KSR2: variants seen among roughly 807,000 people sequenced by gnomAD.
KSR2 encodes the protein kinase suppressor of ras 2.
In KSR2, 25 loss-of-function variants were observed where a neutral mutation model predicts 107.8. The observed-to-expected ratio is 0.23, with a 90% confidence interval of 0.17 to 0.32. The LOEUF is 0.32. KSR2 is among the 10% of genes least tolerant of loss of function. The probability of loss-of-function intolerance (pLI) is 1.00; values close to 1 mark genes in which losing one functional copy is unlikely to be tolerated. For synonymous variants in KSR2, 480 were observed against 507.0 expected (o/e 0.95, Z 0.71); for missense variants, 887 against 1,268.9 (o/e 0.70, Z 4.57).
chr12:117,937,986 A>T lies in KSR2; in HGVS notation c.180+30090T>A, dbSNP rs1377655760. On this transcript the variant is annotated intron_variant, in intron 1 of 19. Transcript: ENST00000339824. ...TCTGTCTCAAGAAAAAAAAAAAAAAAAAAAAAGCCTGAAACATATTAGACT... is the reference window on the plus strand; with the variant it reads ...TCTGTCTCAAGAAAAAAAAAAAAAATAAAAAAGCCTGAAACATATTAGACT... Among the ~76,000 whole-genome samples the T allele has an allele frequency of 2.0e-5, 3 of 151,196 alleles. No individual in the cohort carries two copies. In the East Asian group the frequency reaches 5.8e-4, roughly 29 times the overall value.
chr12:117,584,360 A>C (rs111738668), intron 5 of KSR2, among the ~76,000 whole-genome samples: 2 of 152,198 alleles, frequency 1.3e-5, no homozygotes, highest in African/African-American at 4.8e-5. Context: ...TCCACCCATT[A>C]ACTCCTTAAG....
At chr12:117,767,821 GAGA>G (rs1484497580) in intron 3 of KSR2, among the ~76,000 whole-genome samples, 5 of 151,694 alleles carry the variant, frequency 3.3e-5, no homozygotes, top group African/African-American at 1.2e-4. Context: ...AGCCAGGCTG[GAGA>G]AGAAGTGAAG....
At chr12:117,583,408 G>A (rs1425150230) in intron 5 of KSR2, among the ~76,000 whole-genome samples, 3 of 3,078 alleles carry the variant, frequency 9.7e-4, no homozygotes, top group Non-Finnish European at 1.5e-3. Context: ...TGAGTGAGTG[G>A]ATGGATGGAT....
At position 117,667,476 on chromosome 12, in the gene KSR2, G is replaced by A. The variant is rs1884705664; in HGVS notation, c.1169C>T (p.Ala390Val). The A allele has an allele frequency of 6.2e-7, 1 of 1,609,832 alleles. No homozygotes were observed. The highest frequency in any genetic ancestry group is 8.5e-7 in the Non-Finnish European group (1 of 1,178,492). Residue 390 changes from alanine to valine, a missense_variant and splice_region_variant, in exon 5 of 20, where the codon GCA becomes GTA. By Grantham distance (64) the Ala-to-Val change is moderately conservative. Coordinates refer to ENST00000339824, the MANE Select transcript of KSR2 (RefSeq NM_173598.6). ...TGCAGCCCGGCAGGGTGACTTACTT[G>A]CAGAGAAGTTGGCCTCAGTGTGAAC... Reference protein sequence around the residue: ...PPVHTEANFSANTLSVPRWSP... With the variant: ...PPVHTEANFSVNTLSVPRWSP...
At chr12:117,479,789 C>T (rs1286760157) in intron 16 of KSR2, among the ~76,000 whole-genome samples, 1 of 152,198 alleles carries the variant, frequency 6.6e-6, no homozygotes, top group Non-Finnish European at 1.5e-5. Context: ...CTTGAGTCAG[C>T]AGAGTTAAAT....
intron 1 of KSR2, among the ~76,000 whole-genome samples, chr12:117,909,091 C>T (rs892482921): frequency 6.6e-6 from 1 of 152,016 alleles, no homozygotes; most frequent in African/African-American, 2.4e-5. Flanking sequence ...GTCCTTATAC[C>T]AGTGGTCTTT....
intron 1 of KSR2, among the ~76,000 whole-genome samples, chr12:117,915,441 AC>A (rs1895145465): frequency 6.6e-6 from 1 of 152,250 alleles, no homozygotes; most frequent in Non-Finnish European, 1.5e-5. Flanking sequence ...TTGGGAAGAC[AC>A]AAACATTCAG....
At chr12:117,853,571 G>A (rs1484167547) in intron 3 of KSR2, among the ~76,000 whole-genome samples, 6 of 151,714 alleles carry the variant, frequency 4.0e-5, no homozygotes, top group Admixed American at 1.3e-4. Context: ...CAAACTCCTG[G>A]GTTCAAGCAA....
chr12:117,483,643 C>G (rs1273153170), intron 16 of KSR2, among the ~76,000 whole-genome samples: 1 of 152,158 alleles, frequency 6.6e-6, no homozygotes. Context: ...TATTTGAGAT[C>G]AAGCTGTTTC....
intron 3 of KSR2, among the ~76,000 whole-genome samples, chr12:117,796,640 A>G (rs1890639468): frequency 6.6e-6 from 1 of 152,174 alleles, no homozygotes; most frequent in South Asian, 2.1e-4. Context: ...CCCAAGGCTC[A>G]GTTTCCTCAG....
intron 1 of KSR2, among the ~76,000 whole-genome samples, chr12:117,950,808 A>G (rs535425245): frequency 1.3e-5 from 2 of 150,896 alleles, no homozygotes; most frequent in African/African-American, 2.4e-5. Context: ...ACACTGGGGG[A>G]AAACAAAATT....
At chr12:117,900,133 ATG>A (rs2137390482) in intron 1 of KSR2, among the ~76,000 whole-genome samples, 1 of 152,298 alleles carries the variant, frequency 6.6e-6, no homozygotes, top group South Asian at 2.1e-4. Flanking sequence ...GAGATAATAA[ATG>A]TGTGTTGTTT....
intron 7 of KSR2, among the ~76,000 whole-genome samples, chr12:117,566,568 G>A (rs369063534): frequency 1.3e-5 from 2 of 152,282 alleles, no homozygotes; most frequent in Non-Finnish European, 2.9e-5. Context: ...ACATGATCTC[G>A]TTCTTTTGTA....
rs1308593787 is a variant in KSR2, at chr12:117,767,775, A to T, written c.473-6251T>A. 2.4e-5 allele frequency among the ~76,000 whole-genome samples: 3 copies of T among 125,322 alleles called. No individual in the cohort carries two copies. In the East Asian group the frequency reaches 7.2e-4, roughly 30 times the overall value. 82.2% of individuals were successfully genotyped at this position (125,322 alleles called of 152,430 possible). On this transcript the variant is annotated intron_variant, in intron 3 of 19. Coordinates refer to ENST00000339824, the MANE Select transcript of KSR2 (RefSeq NM_173598.6). Reference sequence around the variant, plus strand: ...ACTCCAGCCTGGGAGACAGAGCAAGACTCCGTCTCAAAAAAAAAAAAAAAA... The same window carrying T: ...ACTCCAGCCTGGGAGACAGAGCAAGTCTCCGTCTCAAAAAAAAAAAAAAAA...
intron 14 of KSR2, among the ~76,000 whole-genome samples, chr12:117,493,914 G>A: frequency 6.6e-6 from 1 of 152,158 alleles, no homozygotes; most frequent in East Asian, 1.9e-4. Flanking sequence ...GCTGCCATGT[G>A]AGAAGTGTCT....
chr12:117,799,898 G>T lies in KSR2; in HGVS notation c.473-38374C>A, dbSNP rs186460923. 5.9e-5 allele frequency among the ~76,000 whole-genome samples: 9 copies of T among 152,338 alleles called. No homozygotes were observed. The East Asian group carries it at 1.7e-3, about 29-fold the overall frequency. ...ACCTCCAAGAGCTGTGCTAGGTTGA[G>T]TGTAAAAAAGGCAGAAGAGGAGGCC... On this transcript the variant is annotated intron_variant, in intron 3 of 19. Transcript: ENST00000339824.
intron 4 of KSR2, among the ~76,000 whole-genome samples, chr12:117,729,868 A>G (rs920380221): frequency 9.2e-5 from 14 of 152,242 alleles, no homozygotes; most frequent in African/African-American, 3.4e-4. Flanking sequence ...TGCTGTATGA[A>G]AAAGTGGTAA....
intron 3 of KSR2, among the ~76,000 whole-genome samples, chr12:117,799,222 C>G (rs1331072869): frequency 2.0e-5 from 3 of 152,234 alleles, no homozygotes; most frequent in African/African-American, 7.2e-5. Context: ...TCACAATGGG[C>G]TGGGCGCGGT....
chr12:117,913,775 T>A (rs943089895), intron 1 of KSR2, among the ~76,000 whole-genome samples: 2 of 152,130 alleles, frequency 1.3e-5, no homozygotes, highest in Non-Finnish European at 2.9e-5. Context: ...ACAATAAATT[T>A]CAGTTGTATG....
Sources: gnomAD v4.1 joint callset for allele counts (sites outside exome capture counted in the v4.1 genomes callset) on GRCh38, gnomAD v4.1.1 for gene constraint, MANE v1.5 for transcripts, NCBI Gene and HGNC (gene_info 2026-07-23, HGNC 2026-07-21) for gene names.